Variants in PCDHGB5 observed in about 807,000 individuals in gnomAD.
PCDHGB5 encodes protocadherin gamma subfamily B, 5.
In PCDHGB5, 48 loss-of-function variants were observed where a neutral mutation model predicts 62.9. That is an observed-to-expected ratio of 0.76 (90% CI 0.61 to 0.97). The LOEUF (loss-of-function observed/expected upper bound fraction) is 0.97, where lower values mean the gene tolerates loss of function less well. PCDHGB5 is among the 50% of genes least tolerant of loss of function. The pLI, the probability that PCDHGB5 is intolerant of heterozygous loss-of-function variation, is 0.00. For synonymous variants in PCDHGB5, 474 were observed against 511.2 expected, an observed-to-expected ratio of 0.93 and a Z score of 0.98; for missense variants, 1,118 against 1,198.6, an observed-to-expected ratio of 0.93 and a Z score of 0.99.
intron 1 of PCDHGB5, among the ~76,000 whole-genome samples, chr5:141,442,921 CATTTTCTA>C (rs1366534082): frequency 6.6e-6 from 1 of 152,196 alleles, no homozygotes. Context: ...ACAACTGTTT[CATTTTCTA>C]TTTAAGAAAC....
rs1298454674 is a variant in PCDHGB5, at chr5:141,438,625, TATATATATATAC to T, written c.2397+38103_2397+38114del. 7.7e-3 allele frequency among the ~76,000 whole-genome samples: 357 copies of T among 46,390 alleles called. 5 individuals are homozygous for T. The East Asian group carries it at 0.082, about 11-fold the overall frequency. 30.4% of individuals were successfully genotyped at this position (46,390 alleles called of 152,430 possible). A position where few individuals can be genotyped will look rare whatever the true frequency, so the allele number is the denominator to read the frequency against. On this transcript the variant is annotated intron_variant, in intron 1 of 3. Transcript: ENST00000617380. ...ATATATATATATATATATATATATATATATATATATACACACACACACACACATATATGTATA... is the reference window on the plus strand; with the variant it reads ...ATATATATATATATATATATATATATACACACACACACACATATATGTATA...
At position 141,486,735 on chromosome 5, in the gene PCDHGB5, G is replaced by T; in HGVS notation, c.2398-8072G>T. 6.2e-7 allele frequency: 1 copy of T among 1,614,176 alleles called. No individual in the cohort carries two copies. The highest frequency in any genetic ancestry group is 1.1e-5 in the South Asian group (1 of 91,086). On this transcript the variant is annotated intron_variant, in intron 1 of 3. Coordinates refer to ENST00000617380, the MANE Select transcript of PCDHGB5 (RefSeq NM_018925.3). The surrounding 1 kb of genome is among the most constrained non-coding windows in gnomAD (Gnocchi z 5.0). Reference sequence around the variant, plus strand: ...CAGACAGGAGCTGTTCATGCTACTCGATCCTTTGACTATGAGCAAACCCAG... The same window carrying T: ...CAGACAGGAGCTGTTCATGCTACTCTATCCTTTGACTATGAGCAAACCCAG...
At position 141,478,208 on chromosome 5, in the gene PCDHGB5, C is replaced by G. The variant is rs200735608; in HGVS notation, c.2398-16599C>G. The G allele has an allele frequency of 2.5e-6, 4 of 1,614,096 alleles. No individual in the cohort carries two copies. The East Asian group carries it at 8.9e-5, about 36-fold the overall frequency. ...TCTCACCTTTTATCTACTTCTTTCTCTAATCCTGGTTTCTGTGGGGTTTGT... is the reference window on the plus strand; with the variant it reads ...TCTCACCTTTTATCTACTTCTTTCTGTAATCCTGGTTTCTGTGGGGTTTGT... On this transcript the variant is annotated intron_variant, in intron 1 of 3. Coordinates refer to ENST00000617380, the MANE Select transcript of PCDHGB5 (RefSeq NM_018925.3).
At chr5:141,495,652 T>C (rs1403816239) in intron 2 of PCDHGB5, among the ~76,000 whole-genome samples, 2 of 152,336 alleles carry the variant, frequency 1.3e-5, no homozygotes, top group Admixed American at 6.5e-5. Context: ...CTACTTGCAT[T>C]GATCTGTGCC....
chr5:141,470,023 G>A (rs1258101057), intron 1 of PCDHGB5, among the ~76,000 whole-genome samples: 1 of 152,110 alleles, frequency 6.6e-6, no homozygotes, highest in Admixed American at 6.6e-5. Context: ...CAGCTACTCG[G>A]GATGCTGAGG....
Position 141,485,117 on chromosome 5 carries a change from G to A in PCDHGB5, c.2398-9690G>A. The A allele has an allele frequency of 3.0e-6, 4 of 1,326,200 alleles. No homozygotes were observed. The highest frequency in any genetic ancestry group is 4.3e-6 in the Non-Finnish European group (4 of 933,470). 82.2% of individuals were successfully genotyped at this position (1,326,200 alleles called of 1,614,324 possible). On this transcript the variant is annotated intron_variant, in intron 1 of 3. Transcript: ENST00000617380. The surrounding 1 kb of genome is among the most constrained non-coding windows in gnomAD (Gnocchi z 5.7). ...GTCTCCAGCTGCTGTGGCTGTTTGG[G>A]GCGGGTCGGCTTCATCCGCGTCTCA...
chr5:141,415,095 C>G, intron 1 of PCDHGB5: 2 of 1,613,584 alleles, frequency 1.2e-6, no homozygotes, highest in Non-Finnish European at 1.7e-6. Context: ...TGGACAGAGA[C>G]GCGCTCAAGC....
intron 1 of PCDHGB5, among the ~76,000 whole-genome samples, chr5:141,488,544 C>G (rs1225754325): frequency 6.6e-6 from 1 of 152,166 alleles, no homozygotes; most frequent in African/African-American, 2.4e-5. Flanking sequence ...AGTCCCATGT[C>G]AGCTGACATT....
intron 1 of PCDHGB5, among the ~76,000 whole-genome samples, chr5:141,448,660 G>T (rs2098599264): frequency 6.6e-6 from 1 of 151,712 alleles, no homozygotes; most frequent in African/African-American, 2.4e-5. Context: ...TTCCATATTG[G>T]CCGGGCGCGG....
At chr5:141,418,823 A>G (rs985060966) in intron 1 of PCDHGB5, 7 of 1,613,868 alleles carry the variant, frequency 4.3e-6, no homozygotes, top group Admixed American at 3.3e-5. Context: ...CATAGAAGCA[A>G]AAGACCGAGG....
chr5:141,477,571 C>A lies in PCDHGB5; in HGVS notation c.2398-17236C>A, dbSNP rs1470454976. ...TAAACCTAAGTGTCTGGGACCCCGA[C>A]GCCCCGCAGAATGCTCGGCTTTCTT... is the stretch of plus-strand genomic sequence containing the variant. On this transcript the variant is annotated intron_variant, in intron 1 of 3. Coordinates refer to ENST00000617380, the MANE Select transcript of PCDHGB5 (RefSeq NM_018925.3). The surrounding 1 kb of genome is among the most constrained non-coding windows in gnomAD (Gnocchi z 4.9). The A allele has an allele frequency of 3.1e-6, 5 of 1,614,042 alleles. No homozygotes were observed. In the South Asian group the frequency reaches 4.4e-5, roughly 14 times the overall value.
At chr5:141,453,379 C>T (rs980792532) in intron 1 of PCDHGB5, among the ~76,000 whole-genome samples, 1 of 152,050 alleles carries the variant, frequency 6.6e-6, no homozygotes, top group Non-Finnish European at 1.5e-5. Context: ...AGTGATCCTC[C>T]TGCCTTAGCC....
intron 1 of PCDHGB5, among the ~76,000 whole-genome samples, chr5:141,450,088 C>T (rs1358812478): frequency 1.3e-5 from 2 of 148,484 alleles, no homozygotes; most frequent in East Asian, 2.0e-4. Context: ...CTCACTGCAA[C>T]CTCCGCCTCC....
rs536313993 is a variant in PCDHGB5, at chr5:141,436,142, T to G, written c.2397+35618T>G. Among the ~76,000 whole-genome samples, 46 of 152,334 alleles carry G rather than the reference T, an allele frequency of 3.0e-4. No homozygotes were observed. The South Asian group carries it at 3.1e-3, about 10-fold the overall frequency. ...CTCTCCTCCATCATCTTGTATGAAC[T>G]ACCAAAATGTTTATCATATGGACAG... On this transcript the variant is annotated intron_variant, in intron 1 of 3. Coordinates refer to ENST00000617380, the MANE Select transcript of PCDHGB5 (RefSeq NM_018925.3).
At position 141,432,716 on chromosome 5, in the gene PCDHGB5, C is replaced by A; in HGVS notation, c.2397+32192C>A. 6.2e-7 allele frequency: 1 copy of A among 1,614,030 alleles called. No individual in the cohort carries two copies. The highest frequency in any genetic ancestry group is 1.1e-5 in the South Asian group (1 of 91,084). ...GGCCGTCCAGGACCACGGCCAGCCC[C>A]CTCTCTCCGCCACTGTCACGCTCAC... On this transcript the variant is annotated intron_variant, in intron 1 of 3. Transcript: ENST00000617380. This position sits in a 1 kb window ranked among gnomAD's most constrained non-coding sequence, Gnocchi z 6.0.
chr5:141,459,976 G>A (rs1013971472), intron 1 of PCDHGB5, among the ~76,000 whole-genome samples: 1 of 152,202 alleles, frequency 6.6e-6, no homozygotes, highest in Non-Finnish European at 1.5e-5. Flanking sequence ...TACTCAGGAG[G>A]CTGAGACAGG....
In PCDHGB5 at chr5:141,413,613, TA is replaced by T. The variant is rs2095659138; in HGVS notation, c.2397+13091del. The T allele has an allele frequency of 4.3e-6, 7 of 1,613,714 alleles. No individual in the cohort carries two copies. The East Asian group carries it at 1.6e-4, about 36-fold the overall frequency. On this transcript the variant is annotated intron_variant, in intron 1 of 3. Transcript: ENST00000617380. Reference sequence around the variant, plus strand: ...AAGCAGAAAATCTAGACGTAAAAATTAATGAAAATGTCGCTGCGGGAATGCG... The same window carrying T: ...AAGCAGAAAATCTAGACGTAAAAATTATGAAAATGTCGCTGCGGGAATGCG...
At chr5:141,427,132 G>A (rs755992698) in intron 1 of PCDHGB5, 1 of 457,106 alleles carries the variant, frequency 2.2e-6, no homozygotes, top group South Asian at 1.5e-5. Flanking sequence ...AAATCCCTAC[G>A]AGATGATATT....
chr5:141,418,254 A>T (rs1217236221), intron 1 of PCDHGB5: 2 of 1,613,904 alleles, frequency 1.2e-6, no homozygotes, highest in African/African-American at 2.7e-5. Flanking sequence ...CACGCCCCTC[A>T]ATTCCGGAAA....
Sources: gnomAD v4.1 joint callset for allele counts (sites outside exome capture counted in the v4.1 genomes callset) on GRCh38, gnomAD v4.1.1 for gene constraint, Gnocchi (gnomAD v3.1) non-coding constraint, MANE v1.5 for transcripts, NCBI Gene and HGNC (gene_info 2026-07-23, HGNC 2026-07-21) for gene names.